CANX: variants seen among roughly 807,000 people sequenced by gnomAD.
CANX encodes epididymis secretory sperm binding protein.
CANX carries 14 observed loss-of-function variants against 75.7 expected under a neutral mutation model. The observed-to-expected ratio is 0.19, with a 90% CI of 0.12 to 0.29. The LOEUF (loss-of-function observed/expected upper bound fraction) is 0.29. Among genes scored for constraint, CANX ranks in the 10% least tolerant of loss-of-function variants. The pLI is 1.00. For synonymous variants in CANX, 227 were observed against 236.9 expected (o/e 0.96, Z 0.38); for missense variants, 567 against 713.2 (o/e 0.79, Z 2.34).
At chr5:179,684,951 T>C (rs1397598349) in intron 1 of CANX, among the ~76,000 whole-genome samples, 1 of 141,486 alleles carries the variant, frequency 7.1e-6, no homozygotes, top group Non-Finnish European at 1.5e-5. Flanking sequence ...TTTTTTTTTT[T>C]TTTTTACTAG....
chr5:179,696,392 C>T (rs1776405402), upstream of CANX, among the ~76,000 whole-genome samples: 1 of 149,238 alleles, frequency 6.7e-6, no homozygotes, highest in Non-Finnish European at 1.5e-5. Context: ...TGTCCTGCCT[C>T]AGCCACCCGA....
rs1776535051 is a variant in CANX at position 179,698,999 on chromosome 5, C to A, written c.-107C>A. On this transcript the variant is annotated 5_prime_UTR_variant, in exon 1 of 15. Coordinates refer to ENST00000247461, the MANE Select transcript of CANX (RefSeq NM_001746.4). ...GCCGAGGCCTCTTGGTTCTGCGGCA[C>A]GTGACGGTCGGGCCGCCTCCGCCTC... The A allele has an allele frequency of 2.7e-6, 3 of 1,121,432 alleles. No homozygotes were observed. Among genetic ancestry groups the A allele is most frequent in the Non-Finnish European group, 2.2e-6 (2 of 910,240 alleles). 69.5% of individuals were successfully genotyped at this position (1,121,432 alleles called of 1,614,324 possible). A position where few individuals can be genotyped will look rare whatever the true frequency, so the allele number is the denominator to read the frequency against.
chr5:179,715,937 G>T (rs1332974702), intron 7 of CANX, 168 bp from the exon 8 acceptor site: 6 of 694,760 alleles, frequency 8.6e-6, no homozygotes, highest in African/African-American at 7.0e-5. Flanking sequence ...CGTGCATAAG[G>T]AAATGGGCGT....
In CANX at chr5:179,729,077, G is replaced by A; in HGVS notation, c.*433G>A. The stretch of plus-strand genomic sequence containing the variant: ...TTATAATAGATTTTTTTTAAAGTTT[G>A]GTATTGTAAAACATTCACACCTCTG... On this transcript the variant is annotated 3_prime_UTR_variant, in exon 15 of 15. Coordinates refer to ENST00000247461, the MANE Select transcript of CANX (RefSeq NM_001746.4). 5 of 227,222 alleles carry A rather than the reference G, an allele frequency of 2.2e-5. No homozygotes were observed. The highest frequency in any genetic ancestry group is 4.7e-5 in the South Asian group (1 of 21,302). 14.1% of individuals were successfully genotyped at this position (227,222 alleles called of 1,614,324 possible).
Position 179,709,055 on chromosome 5 carries a change from A to G in CANX, c.524A>G (p.Asn175Ser). The G allele has an allele frequency of 6.4e-7, 1 of 1,555,602 alleles. No individual in the cohort carries two copies. Among genetic ancestry groups the G allele is most frequent in the Non-Finnish European group, 8.9e-7 (1 of 1,126,602 alleles). The change falls in exon 6 of 15, where the codon AAC becomes AGC. Residue 175 changes from asparagine (N) to serine (S), a missense_variant. By Grantham distance (46) the Asn-to-Ser change is conservative. Transcript: ENST00000247461. Reference protein sequence around the residue: ...VKLLSKTPELNLDQFHDKTPY... With the variant: ...VKLLSKTPELSLDQFHDKTPY... ...CTGCTTTCTAAAACACCAGAACTCA[A>G]CCTGGTATGTAATTCCCATTTCTGG...
At chr5:179,717,921 G>T in intron 8 of CANX, among the ~76,000 whole-genome samples, 1 of 151,972 alleles carries the variant, frequency 6.6e-6, no homozygotes. Context: ...TTACCATGTT[G>T]GTCAGGCTGA....
intron 1 of CANX, among the ~76,000 whole-genome samples, chr5:179,688,286 C>T (rs760460311): frequency 2.0e-5 from 3 of 151,168 alleles, no homozygotes; most frequent in Non-Finnish European, 4.4e-5. Context: ...ATCTCTTGAC[C>T]TCAGGATCCG....
intron 14 of CANX, among the ~76,000 whole-genome samples, chr5:179,727,107 T>C: frequency 6.6e-6 from 1 of 152,230 alleles, no homozygotes; most frequent in East Asian, 1.9e-4. Flanking sequence ...CAAATCACTG[T>C]GTTCTAAACT....
intron 7 of CANX, among the ~76,000 whole-genome samples, chr5:179,713,566 A>G (rs1733484484): frequency 6.6e-6 from 1 of 152,138 alleles, no homozygotes; most frequent in Admixed American, 6.6e-5. Context: ...AGTTAGAACA[A>G]TTTATGGTGT....
At chr5:179,703,067 C>G (rs1213842673) in intron 1 of CANX, among the ~76,000 whole-genome samples, 1 of 152,152 alleles carries the variant, frequency 6.6e-6, no homozygotes. Flanking sequence ...CCACGCCCAG[C>G]CTGCCCAGCT....
At chr5:179,683,257 A>G (rs1391376906) in intron 1 of CANX, among the ~76,000 whole-genome samples, 1 of 151,842 alleles carries the variant, frequency 6.6e-6, no homozygotes, top group Non-Finnish European at 1.5e-5. Context: ...CCTCTCAAGT[A>G]GCTGGGACTA....
intron 7 of CANX, among the ~76,000 whole-genome samples, chr5:179,713,222 C>T (rs1268410616): frequency 6.6e-6 from 1 of 151,942 alleles, no homozygotes; most frequent in Non-Finnish European, 1.5e-5. Flanking sequence ...GCTGGGATTA[C>T]AGGCACACAC....
At chr5:179,710,738 A>G (rs1282997458) in intron 7 of CANX, among the ~76,000 whole-genome samples, 2 of 147,800 alleles carry the variant, frequency 1.4e-5, no homozygotes, top group Non-Finnish European at 3.0e-5. Flanking sequence ...GTATATCTGG[A>G]GAGTACCCCA....
At chr5:179,724,109 C>T (rs1257304828) in intron 12 of CANX, among the ~76,000 whole-genome samples, 1 of 152,156 alleles carries the variant, frequency 6.6e-6, no homozygotes, top group African/African-American at 2.4e-5. Context: ...TGCCTGCTGG[C>T]ATAGCTATTT....
upstream of CANX, among the ~76,000 whole-genome samples, chr5:179,696,633 A>G (rs1425143764): frequency 6.6e-6 from 1 of 152,068 alleles, no homozygotes; most frequent in Non-Finnish European, 1.5e-5. Flanking sequence ...AACCTTTCCT[A>G]GCAGTTTCTC....
chr5:179,693,655 G>C (rs1266967653), upstream of CANX, among the ~76,000 whole-genome samples: 2 of 151,532 alleles, frequency 1.3e-5, no homozygotes, highest in African/African-American at 2.4e-5. Flanking sequence ...CTGGGCAACA[G>C]TGAGAATCTG....
intron 4 of CANX, 78 bp from the exon 5 acceptor site, chr5:179,708,161 A>C (rs1446077499): frequency 8.5e-7 from 1 of 1,172,334 alleles, no homozygotes; most frequent in East Asian, 2.4e-5. Flanking sequence ...TTATGCAACT[A>C]GGAGGTGTTT....
At chr5:179,679,754 G>C (rs964730727) in intron 1 of CANX, among the ~76,000 whole-genome samples, 11 of 152,014 alleles carry the variant, frequency 7.2e-5, no homozygotes, top group African/African-American at 2.7e-4. Context: ...CACCTCCCGG[G>C]TTCCAGCAGT....
intron 10 of CANX, among the ~76,000 whole-genome samples, chr5:179,721,100 C>T (rs1181951621): frequency 6.6e-6 from 1 of 151,190 alleles, no homozygotes; most frequent in Non-Finnish European, 1.5e-5. Flanking sequence ...TTTTTTGAGA[C>T]TGAGTCTCAC....
Sources: gnomAD v4.1 joint callset for allele counts (sites outside exome capture counted in the v4.1 genomes callset) on GRCh38, gnomAD v4.1.1 for gene constraint, MANE v1.5 for transcripts, NCBI Gene and HGNC (gene_info 2026-07-23, HGNC 2026-07-21) for gene names.